The following ARL10 variants were observed in gnomAD, a reference collection of about 807,000 sequenced individuals.
ARL10 encodes the protein ARF like GTPase 10.
ARL10 carries 23 observed loss-of-function variants against 26.1 expected under a neutral mutation model. The ratio of observed to expected loss-of-function variants is 0.88; its 90% CI spans 0.63 to 1.25. The LOEUF (loss-of-function observed/expected upper bound fraction) is 1.25, where lower values mean the gene tolerates loss of function less well. Ranked by LOEUF, ARL10 falls within the 50% of genes most tolerant of loss-of-function variation. The pLI, the probability that ARL10 is intolerant of heterozygous loss-of-function variation, is 0.00. For missense variants in ARL10, 300 were observed against 323.6 expected (o/e 0.93, Z 0.56); for synonymous variants, 138 against 149.1 (o/e 0.93, Z 0.54).
chr5:176,389,691 T>A, downstream of ARL10: 1 of 530,258 alleles, frequency 1.9e-6, no homozygotes, highest in South Asian at 3.0e-5. Flanking sequence ...GAATGTTACA[T>A]ACTTCTATTT....
chr5:176,388,706 A>C, downstream of ARL10: 1 of 1,455,026 alleles, frequency 6.9e-7, no homozygotes, highest in African/African-American at 1.4e-5. Flanking sequence ...GGATGCAACG[A>C]GCATTTGCGC....
intron 1 of ARL10, chr5:176,397,487 T>G: frequency 1.3e-5 from 1 of 75,842 alleles, no homozygotes; most frequent in Non-Finnish European, 2.1e-5. Context: ...TCCCCACAGC[T>G]CCCTCATGTC....
At chr5:176,383,684 T>TG (rs959623001), downstream of ARL10, among the ~76,000 whole-genome samples, 1 of 152,180 alleles carries the variant, frequency 6.6e-6, no homozygotes, top group Non-Finnish European at 1.5e-5. Context: ...CCCAGCCTAG[T>TG]GGGGGGACTA....
exon 2 of ARL10, chr5:176,401,808 T>C (rs1182589491): frequency 2.2e-6 from 1 of 455,158 alleles, no homozygotes; most frequent in Non-Finnish European, 4.4e-6. Flanking sequence ...CTCCTGTTCG[T>C]CCTTGATTTC....
the ARL10 span, among the ~76,000 whole-genome samples, chr5:176,412,092 T>C: frequency 4.8e-3 from 715 of 148,086 alleles, 5 homozygotes; most frequent in African/African-American, 9.1e-3. Context: ...AGGAGAATGG[T>C]GTGAACCCGG....
downstream of ARL10, chr5:176,389,188 G>T: frequency 9.0e-7 from 1 of 1,111,214 alleles, no homozygotes. Flanking sequence ...TCTGTAACTA[G>T]GAAGACCTCG....
Position 176,371,864 on chromosome 5 carries a change from TC to T in ARL10, c.705del (p.Trp236GlyfsTer69). 1 of 1,614,170 alleles carries T rather than the reference TC, an allele frequency of 6.2e-7. No homozygotes were observed. The highest frequency in any genetic ancestry group is 8.5e-7 in the Non-Finnish European group (1 of 1,180,020). On this transcript the variant is annotated frameshift_variant, in exon 4 of 4. Coordinates refer to ENST00000310389, the MANE Select transcript of ARL10 (RefSeq NM_173664.6). LOFTEE classifies it high-confidence loss of function. ...TTTGAAGAGCCTGGCACCGTGCACA[TC>T]TGGAAACTGCTCTTGGAGCTCCTCT... ...PTFEEPGTVH[I>X]WKLLLELLS
chr5:176,404,776 G>A (rs930332283), downstream of ARL10, among the ~76,000 whole-genome samples: 1 of 152,144 alleles, frequency 6.6e-6, no homozygotes, highest in African/African-American at 2.4e-5. Flanking sequence ...CCCGGGCTCC[G>A]GTGAACCCCG....
Position 176,368,519 on chromosome 5 carries a change from A to C in ARL10, c.386-288A>C, listed in dbSNP as rs1249630239. Among the ~76,000 whole-genome samples, 1 of 152,106 alleles carries C rather than the reference A, an allele frequency of 6.6e-6. No homozygotes were observed. Among genetic ancestry groups the C allele is most frequent in the Non-Finnish European group, 1.5e-5 (1 of 68,018 alleles). On this transcript the variant is annotated intron_variant, in intron 2 of 3. Transcript: ENST00000310389. This position sits in a 1 kb window ranked among gnomAD's most constrained non-coding sequence, Gnocchi z 4.1. ...AACAACCCGTTAGGAAAGTTCAGTG[A>C]GGAGACTGGTGCTTAAAGCTAGGGA...
At position 176,372,647 on chromosome 5, in the gene ARL10, G is replaced by A. The variant is rs76938905; in HGVS notation, c.*752G>A. On this transcript the variant is annotated 3_prime_UTR_variant, in exon 4 of 4. Transcript: ENST00000310389. ...CCACCAAACAGAAAAAGTGAAGGCT[G>A]GGTTTTTCCCCTCTAATCTGGAGAC... 7 of 352,086 alleles carry A rather than the reference G, an allele frequency of 2.0e-5. No homozygotes were observed. In the Middle Eastern group the frequency reaches 3.7e-3, roughly 184 times the overall value. The allele number at this position is 352,086 out of a possible 1,614,324, so 21.8% of individuals were successfully genotyped here.
At chr5:176,396,451 C>G in intron 1 of ARL10, 2 of 1,601,754 alleles carry the variant, frequency 1.2e-6, no homozygotes, top group Non-Finnish European at 1.7e-6. Context: ...TCTAGCTCCC[C>G]CAACAGAGAA....
chr5:176,389,645 C>G, downstream of ARL10: 1 of 826,790 alleles, frequency 1.2e-6, no homozygotes, highest in South Asian at 2.2e-5. Context: ...TAACTGTAAC[C>G]GAAAGTTTTT....
chr5:176,409,406 C>CTT, the ARL10 span, among the ~76,000 whole-genome samples: 151 of 79,640 alleles, frequency 1.9e-3, no homozygotes, highest in Non-Finnish European at 2.6e-3. Flanking sequence ...TCTGATTGCC[C>CTT]TTTTTTTTTT....
chr5:176,397,125 G>T (rs750657477), intron 1 of ARL10, among the ~76,000 whole-genome samples: 3 of 152,094 alleles, frequency 2.0e-5, no homozygotes, highest in Non-Finnish European at 4.4e-5. Flanking sequence ...AGGACATAAG[G>T]CTGGGTCCTC....
chr5:176,382,481 G>A (rs896341939), downstream of ARL10, among the ~76,000 whole-genome samples: 2 of 152,206 alleles, frequency 1.3e-5, no homozygotes, highest in African/African-American at 4.8e-5. Context: ...TCCTCACATA[G>A]AAGGGAAGTC....
chr5:176,392,984 C>A, downstream of ARL10: 1 of 1,612,280 alleles, frequency 6.2e-7, no homozygotes, highest in Non-Finnish European at 8.5e-7. The surrounding 1 kb of genome is among the most constrained non-coding windows in gnomAD (Gnocchi z 5.2). Flanking sequence ...TAGCAGTCTG[C>A]TTTCCCCCAG....
downstream of ARL10, chr5:176,384,414 C>G: frequency 1.3e-6 from 2 of 1,577,472 alleles, no homozygotes; most frequent in Non-Finnish European, 1.7e-6. Flanking sequence ...GCTAGACAGG[C>G]AAAGGCTCAA....
In ARL10 at chr5:176,372,107, A is replaced by G. The variant is rs1314369823; in HGVS notation, c.*212A>G. ...TGAAGCCGAAGCAGGGAGGTGGGTG[A>G]GACAGAGGGTGGGGAGGATAGTGTC... is the stretch of plus-strand genomic sequence containing the variant. On this transcript the variant is annotated 3_prime_UTR_variant, in exon 4 of 4. Coordinates refer to ENST00000310389, the MANE Select transcript of ARL10 (RefSeq NM_173664.6). The G allele has an allele frequency of 7.1e-7, 1 of 1,412,662 alleles. No individual in the cohort carries two copies. Among genetic ancestry groups the G allele is most frequent in the Non-Finnish European group, 9.2e-7 (1 of 1,084,170 alleles). The allele number at this position is 1,412,662 out of a possible 1,614,324, so 87.5% of individuals were successfully genotyped here. A position where few individuals can be genotyped will look rare whatever the true frequency, so the allele number is the denominator to read the frequency against.
Position 176,368,947 on chromosome 5 carries a change from C to T in ARL10, c.526C>T (p.Pro176Ser), listed in dbSNP as rs758411947. Residue 176 changes from proline to serine, a missense_variant, in exon 3 of 4, where the codon CCT becomes TCT. By Grantham distance (74) the Pro-to-Ser change is moderately conservative. Transcript: ENST00000310389. The surrounding 1 kb of genome is among the most constrained non-coding windows in gnomAD (Gnocchi z 4.1). ...GCTGCACAAGCTGCTGGACAAGGAC[C>T]CTGACCTGCCTGTCGTCGTGGTGGC... Reference protein sequence around the residue: ...QELHKLLDKDPDLPVVVVANK... With the variant: ...QELHKLLDKDSDLPVVVVANK... The T allele has an allele frequency of 6.2e-7, 1 of 1,614,094 alleles. No homozygotes were observed. Among genetic ancestry groups the T allele is most frequent in the Non-Finnish European group, 8.5e-7 (1 of 1,180,028 alleles).
Sources: allele counts gnomAD v4.1 joint callset (sites outside exome capture counted in the v4.1 genomes callset), GRCh38; gene constraint gnomAD v4.1.1; non-coding constraint Gnocchi (gnomAD v3.1); transcripts MANE v1.5; gene names NCBI Gene and HGNC (gene_info 2026-07-23, HGNC 2026-07-21).